Variants in CASK observed in about 807,000 individuals in gnomAD.
CASK encodes the protein calcium/calmodulin dependent serine protein kinase.
Under a neutral mutation model 82.9 loss-of-function variants are expected in CASK, and 4 were observed. The observed-to-expected ratio is 0.05, with a 90% CI of 0.02 to 0.11. The LOEUF (loss-of-function observed/expected upper bound fraction) is 0.11, where lower values mean the gene tolerates loss of function less well. Among genes scored for constraint, CASK ranks in the 10% least tolerant of loss-of-function variants. The pLI, the probability that CASK is intolerant of heterozygous loss-of-function variation, is 1.00. For missense variants in CASK, 358 were observed against 720.9 expected, an observed-to-expected ratio of 0.50 and a Z score of 5.76; for synonymous variants, 259 against 253.5, an observed-to-expected ratio of 1.02 and a Z score of -0.20.
intron 5 of CASK, among the ~76,000 whole-genome samples, chrX:41,673,458 T>C (rs1165238556): frequency 9.0e-6 from 1 of 111,533 alleles, no homozygotes; most frequent in Non-Finnish European, 1.9e-5. Flanking sequence ...GAGCCATAAA[T>C]GCAAATTAAC....
At chrX:41,860,443 G>A (rs1457324388) in intron 1 of CASK, among the ~76,000 whole-genome samples, 2 of 111,800 alleles carry the variant, frequency 1.8e-5, no homozygotes, top group African/African-American at 6.5e-5. Flanking sequence ...TAAAGATAAC[G>A]ATGGTCTGTT....
intron 5 of CASK, among the ~76,000 whole-genome samples, chrX:41,734,861 T>C (rs963100806): frequency 8.1e-5 from 9 of 111,498 alleles, no homozygotes; most frequent in African/African-American, 2.6e-4. Flanking sequence ...TGTTCACACA[T>C]CTCTCGAATT....
In CASK at chrX:41,609,910, T is replaced by C. The variant is rs2066019067; in HGVS notation, c.1149A>G (p.Leu383=). Residue 383 remains leucine, a synonymous_variant, in exon 12 of 27, where the codon CTA becomes CTG. Coordinates refer to ENST00000378163, the MANE Select transcript of CASK (RefSeq NM_001367721.1). ...SVFQDQHLHT[L]LDLYDKINTK... The stretch of plus-strand genomic sequence containing the variant: ...AATAAAAAGACAGACTTACATCTAG[T>C]AGTGTGTGAAGATGCTGATCCTGGA... 1.2e-5 allele frequency: 15 copies of C among 1,209,081 alleles called. No homozygotes were observed. Among genetic ancestry groups the C allele is most frequent in the Middle Eastern group, 2.3e-4 (1 of 4,353 alleles).
intron 11 of CASK, among the ~76,000 whole-genome samples, chrX:41,612,782 C>A (rs1336735215): frequency 1.0e-5 from 1 of 98,261 alleles, no homozygotes; most frequent in African/African-American, 3.8e-5. Flanking sequence ...CCCGGCCAGC[C>A]GCCCCGTCTG....
intron 1 of CASK, among the ~76,000 whole-genome samples, chrX:41,863,297 T>C (rs1325089371): frequency 9.0e-6 from 1 of 111,541 alleles, no homozygotes. Context: ...ACCTCTATAC[T>C]CCCTAGGTAG....
At chrX:41,837,179 T>C (rs991125438) in intron 2 of CASK, among the ~76,000 whole-genome samples, 2 of 112,277 alleles carry the variant, frequency 1.8e-5, no homozygotes, top group Non-Finnish European at 3.8e-5. Flanking sequence ...AATTGTACAT[T>C]AACAGAAAGT....
intron 1 of CASK, among the ~76,000 whole-genome samples, chrX:41,859,925 CTT>C (rs2071445647): frequency 9.0e-6 from 1 of 111,196 alleles, no homozygotes; most frequent in African/African-American, 3.3e-5. Flanking sequence ...TTCATGGTAA[CTT>C]TATAGAACAC....
At chrX:41,644,441 TCTTTA>T (rs2066718780) in intron 8 of CASK, among the ~76,000 whole-genome samples, 1 of 112,350 alleles carries the variant, frequency 8.9e-6, no homozygotes, top group Non-Finnish European at 1.9e-5. Context: ...CCTATGCCTG[TCTTTA>T]CTTTAATCTC....
intron 26 of CASK, 99 bp from the exon 27 acceptor site, chrX:41,520,695 G>A (rs1337555129): frequency 6.6e-6 from 5 of 753,841 alleles, no homozygotes; most frequent in African/African-American, 6.2e-5. Context: ...TCACATTTTT[G>A]TTCATCCCAG....
At chrX:41,773,046 C>T (rs1025637403) in intron 3 of CASK, among the ~76,000 whole-genome samples, 1 of 110,876 alleles carries the variant, frequency 9.0e-6, no homozygotes, top group Non-Finnish European at 1.9e-5. Context: ...ACAAAAAAAC[C>T]GAGAGAACAT....
intron 8 of CASK, among the ~76,000 whole-genome samples, chrX:41,644,164 T>G (rs5963264): frequency 0.15 from 16,717 of 111,029 alleles, 962 homozygotes; most frequent in Middle Eastern, 0.17. Flanking sequence ...TGTGCTGCTG[T>G]ATTCGGTTTA....
At position 41,569,655 on chromosome X, in the gene CASK, A is replaced by AT. The variant is rs2065377393; in HGVS notation, c.1582+12dup. On this transcript the variant is annotated intron_variant, in intron 16 of 26. Transcript: ENST00000378163. ...TTAAGGAAGGCAAAGAAAGAAATAT[A>AT]TATGAAACTTACCTTGCCTGTGAAT... The AT allele has an allele frequency of 9.1e-7, 1 of 1,098,910 alleles. No homozygotes were observed. The highest frequency in any genetic ancestry group is 1.8e-5 in the African/African-American group (1 of 54,956). 90.6% of individuals were successfully genotyped at this position (1,098,910 alleles called of 1,213,427 possible).
Position 41,787,135 on chromosome X carries a change from T to C in CASK, c.278+43A>G, listed in dbSNP as rs199808707. On this transcript the variant is annotated intron_variant, in intron 3 of 26. Coordinates refer to ENST00000378163, the MANE Select transcript of CASK (RefSeq NM_001367721.1). ...GTGTTAGCATTATCCAACACCAACA[T>C]TGCTTCAAGTTTTACCCTTTAAGAA... 293 of 772,521 alleles carry C rather than the reference T, an allele frequency of 3.8e-4. No individual in the cohort carries two copies. The African/African-American group carries it at 3.9e-3, about 10-fold the overall frequency. 63.7% of individuals were successfully genotyped at this position (772,521 alleles called of 1,213,427 possible).
chrX:41,538,141 C>G (rs1489132464), intron 22 of CASK, among the ~76,000 whole-genome samples: 1 of 111,214 alleles, frequency 9.0e-6, no homozygotes, highest in East Asian at 2.8e-4. Flanking sequence ...CCGCTGCGCA[C>G]AGCCTATTAT....
At chrX:41,880,548 A>G (rs1434151383) in intron 1 of CASK, among the ~76,000 whole-genome samples, 1 of 111,388 alleles carries the variant, frequency 9.0e-6, no homozygotes, top group Non-Finnish European at 1.9e-5. Flanking sequence ...TCCTTTGATC[A>G]TTAACAAAAT....
At chrX:41,528,890 G>A (rs2064753945) in intron 25 of CASK, among the ~76,000 whole-genome samples, 1 of 112,245 alleles carries the variant, frequency 8.9e-6, no homozygotes, top group Non-Finnish European at 1.9e-5. Flanking sequence ...CGAGAGTGAA[G>A]CCCAGTCGGT....
intron 11 of CASK, among the ~76,000 whole-genome samples, chrX:41,611,023 G>A (rs894435997): frequency 3.6e-5 from 4 of 111,456 alleles, no homozygotes; most frequent in Non-Finnish European, 7.5e-5. Context: ...TTGTTACCCA[G>A]GTGGACATTT....
chrX:41,634,040 G>A (rs2066517269), intron 9 of CASK, among the ~76,000 whole-genome samples: 1 of 112,264 alleles, frequency 8.9e-6, no homozygotes, highest in African/African-American at 3.2e-5. Flanking sequence ...AGGATTACAG[G>A]TGTGAAACAC....
chrX:41,571,427 G>A (rs1266217739), intron 15 of CASK, among the ~76,000 whole-genome samples: 2 of 111,100 alleles, frequency 1.8e-5, no homozygotes, highest in African/African-American at 6.5e-5. Context: ...TTTTATCTAA[G>A]TTGTTGAATT....
Sources: allele counts gnomAD v4.1 joint callset (sites outside exome capture counted in the v4.1 genomes callset), GRCh38; gene constraint gnomAD v4.1.1; transcripts MANE v1.5; gene names NCBI Gene and HGNC (gene_info 2026-07-23, HGNC 2026-07-21).